NDUFS4: variants seen among roughly 807,000 people sequenced by gnomAD.
NDUFS4 encodes NADH:ubiquinone oxidoreductase subunit S4, also known as NADH dehydrogenase [ubiquinone] iron-sulfur protein 4, mitochondrial.
A neutral mutation model predicts 24.3 loss-of-function variants in NDUFS4; 28 were observed. That is an observed-to-expected ratio of 1.15 (90% CI 0.85 to 1.58). The LOEUF (loss-of-function observed/expected upper bound fraction) is 1.58. Among genes scored for constraint, NDUFS4 ranks in the 40% most tolerant of loss-of-function variants. The pLI, the probability that NDUFS4 is intolerant of heterozygous loss-of-function variation, is 0.00. For missense variants in NDUFS4, 223 were observed against 207.9 expected (o/e 1.07, Z -0.45); for synonymous variants, 93 against 69.7 (o/e 1.34, Z -1.67).
At chr5:53,670,875 G>T (rs563345905) in intron 4 of NDUFS4, among the ~76,000 whole-genome samples, 90 of 151,378 alleles carry the variant, frequency 5.9e-4, no homozygotes, top group African/African-American at 2.2e-3. Context: ...TACCTCTAGA[G>T]TATAGTATAG....
intron 2 of NDUFS4, among the ~76,000 whole-genome samples, chr5:53,623,094 T>C (rs889892529): frequency 1.3e-5 from 2 of 152,210 alleles, no homozygotes; most frequent in African/African-American, 4.8e-5. Context: ...TGTCTAAATA[T>C]TTGTTCAAAT....
chr5:53,628,854 G>T (rs1019427947), intron 2 of NDUFS4, among the ~76,000 whole-genome samples: 5 of 151,802 alleles, frequency 3.3e-5, no homozygotes, highest in African/African-American at 1.2e-4. Context: ...TTTTTTTGAA[G>T]GGTTTTTTTG....
chr5:53,621,690 A>ATTTTT lies in NDUFS4; in HGVS notation c.177+18185_177+18189dup, dbSNP rs58169759. Among the ~76,000 whole-genome samples, 18 of 81,564 alleles carry ATTTTT rather than the reference A, an allele frequency of 2.2e-4. 1 individual carries two copies. Among genetic ancestry groups the ATTTTT allele is most frequent in the African/African-American group, 7.7e-4 (14 of 18,080 alleles). 53.5% of individuals were successfully genotyped at this position (81,564 alleles called of 152,430 possible). On this transcript the variant is annotated intron_variant, in intron 2 of 4. Transcript: ENST00000296684. Reference sequence around the variant, plus strand: ...ATATTTGTTATAAACCTCATAGTAAATTTTTTTTTTTTTTTTTTTTTTTTT... The same window carrying ATTTTT: ...ATATTTGTTATAAACCTCATAGTAAATTTTTTTTTTTTTTTTTTTTTTTTTTTTTT...
At chr5:53,571,716 ACTAT>A (rs1312399587) in intron 1 of NDUFS4, among the ~76,000 whole-genome samples, 1 of 152,178 alleles carries the variant, frequency 6.6e-6, no homozygotes, top group African/African-American at 2.4e-5. Flanking sequence ...TGAAGTTATA[ACTAT>A]CCTAGTGAGT....
At chr5:53,681,535 T>G (rs571507169) in intron 4 of NDUFS4, among the ~76,000 whole-genome samples, 2 of 152,292 alleles carry the variant, frequency 1.3e-5, no homozygotes, top group Admixed American at 1.3e-4. Flanking sequence ...TACTTGTTAA[T>G]GTACGTACTT....
intron 3 of NDUFS4, among the ~76,000 whole-genome samples, chr5:53,654,104 C>T (rs1752097071): frequency 6.6e-6 from 1 of 151,694 alleles, no homozygotes; most frequent in South Asian, 2.1e-4. Context: ...ATCCTTATTC[C>T]CTTTTTCTTC....
intron 1 of NDUFS4, among the ~76,000 whole-genome samples, chr5:53,563,065 T>A (rs1748903628): frequency 6.6e-6 from 1 of 151,750 alleles, no homozygotes; most frequent in Admixed American, 6.6e-5. Context: ...CCGTCTCTAC[T>A]AAAAATACAA....
chr5:53,676,381 A>G (rs1160946794), intron 4 of NDUFS4, among the ~76,000 whole-genome samples: 1 of 152,208 alleles, frequency 6.6e-6, no homozygotes, highest in Non-Finnish European at 1.5e-5. Flanking sequence ...CTCTGGTCAC[A>G]TAGTTTGTCG....
Position 53,636,451 on chromosome 5 carries a change from G to C in NDUFS4, c.178-9782G>C, listed in dbSNP as rs1751553319. ...ATTAGAAGAAACCGGAAGAATTCAG[G>C]ATTCATTTCAGTTTGTAGGTAAATA... On this transcript the variant is annotated intron_variant, in intron 2 of 4. Coordinates refer to ENST00000296684, the MANE Select transcript of NDUFS4 (RefSeq NM_002495.4). 2.0e-5 allele frequency among the ~76,000 whole-genome samples: 3 copies of C among 152,192 alleles called. No individual in the cohort carries two copies. The South Asian group carries it at 6.2e-4, about 31-fold the overall frequency.
chr5:53,669,638 C>T (rs1752610737), intron 4 of NDUFS4, among the ~76,000 whole-genome samples: 1 of 152,126 alleles, frequency 6.6e-6, no homozygotes, highest in Non-Finnish European at 1.5e-5. Flanking sequence ...CAGTCAGAAG[C>T]ATGTTGAACA....
At chr5:53,641,918 C>T (rs1007255168) in intron 2 of NDUFS4, among the ~76,000 whole-genome samples, 28 of 152,026 alleles carry the variant, frequency 1.8e-4, no homozygotes, top group African/African-American at 5.6e-4. Flanking sequence ...TAATAGTCTG[C>T]GGTAGAACAA....
At chr5:53,561,907 G>A (rs1362367393) in intron 1 of NDUFS4, among the ~76,000 whole-genome samples, 2 of 152,100 alleles carry the variant, frequency 1.3e-5, no homozygotes, top group African/African-American at 2.4e-5. Context: ...TAAATACATA[G>A]AATAGAGTCA....
intron 2 of NDUFS4, among the ~76,000 whole-genome samples, chr5:53,619,331 G>A (rs1464504903): frequency 1.3e-5 from 2 of 148,256 alleles, no homozygotes; most frequent in South Asian, 2.1e-4. Flanking sequence ...AAAATTAGCC[G>A]GGTGTGGTGG....
intron 1 of NDUFS4, among the ~76,000 whole-genome samples, chr5:53,580,812 T>G (rs1282017521): frequency 6.6e-6 from 1 of 151,162 alleles, no homozygotes; most frequent in Non-Finnish European, 1.5e-5. Context: ...TCTTTCCCTT[T>G]CTTTTCTTTT....
At chr5:53,646,101 A>G in intron 2 of NDUFS4, 132 bp from the exon 3 acceptor site, 2 of 780,504 alleles carry the variant, frequency 2.6e-6, no homozygotes, top group South Asian at 3.1e-5. Context: ...ATGGTAGTGA[A>G]ATAAGCCAGA....
intron 2 of NDUFS4, among the ~76,000 whole-genome samples, chr5:53,643,047 C>G (rs1343214678): frequency 6.6e-6 from 1 of 152,036 alleles, no homozygotes; most frequent in Non-Finnish European, 1.5e-5. Flanking sequence ...ATACTTGACC[C>G]AACTATTCAA....
At chr5:53,649,923 C>T (rs1349505097) in intron 3 of NDUFS4, among the ~76,000 whole-genome samples, 4 of 151,800 alleles carry the variant, frequency 2.6e-5, no homozygotes, top group Non-Finnish European at 5.9e-5. Flanking sequence ...GAGCATTTTT[C>T]GTGTTCATTG....
At chr5:53,657,955 C>A (rs796630572) in intron 3 of NDUFS4, among the ~76,000 whole-genome samples, 61 of 150,844 alleles carry the variant, frequency 4.0e-4, no homozygotes, top group African/African-American at 1.4e-3. Context: ...ATAAAAGTGA[C>A]ATTTCTTGAA....
rs148339771 is a variant in NDUFS4, at chr5:53,564,116, T to G, written c.98+3356T>G. On this transcript the variant is annotated intron_variant, in intron 1 of 4. Coordinates refer to ENST00000296684, the MANE Select transcript of NDUFS4 (RefSeq NM_002495.4). ...TTGGGACCTGTTTGTGAGGTCTCTT[T>G]TATGCCCTGATCTGTGGCTTTATTC... Among the ~76,000 whole-genome samples, 364 of 152,308 alleles carry G rather than the reference T, an allele frequency of 2.4e-3. 2 individuals are homozygous for G. The highest frequency in any genetic ancestry group is 8.4e-3 in the African/African-American group (349 of 41,560).
Sources: allele counts gnomAD v4.1 joint callset (sites outside exome capture counted in the v4.1 genomes callset), GRCh38; gene constraint gnomAD v4.1.1; transcripts MANE v1.5; gene names NCBI Gene and HGNC (gene_info 2026-07-23, HGNC 2026-07-21).